Variants in TECPR2 observed in about 807,000 individuals in gnomAD.
TECPR2 encodes the protein tectonin beta-propeller repeat-containing protein 2.
Under a neutral mutation model 138.1 loss-of-function variants are expected in TECPR2, and 65 were observed. The ratio of observed to expected loss-of-function variants is 0.47; its 90% CI spans 0.39 to 0.58. TECPR2 has a LOEUF of 0.58. Among genes scored for constraint, TECPR2 ranks in the 20% least tolerant of loss-of-function variants. The pLI is 0.00. For missense variants in TECPR2, 1,553 were observed against 1,824.5 expected, an observed-to-expected ratio of 0.85 and a Z score of 2.71; for synonymous variants, 746 against 749.8, an observed-to-expected ratio of 0.99 and a Z score of 0.08.
chr14:102,390,469 C>G (rs978610156), intron 2 of TECPR2, among the ~76,000 whole-genome samples: 6 of 152,078 alleles, frequency 3.9e-5, no homozygotes, highest in African/African-American at 1.4e-4. Flanking sequence ...CTTAAAGAGA[C>G]AGAATGGCTC....
intron 10 of TECPR2, 74 bp from the exon 11 acceptor site, chr14:102,440,362 C>G (rs1312253865): frequency 6.4e-7 from 1 of 1,550,592 alleles, no homozygotes; most frequent in Admixed American, 1.8e-5. Context: ...CCCTCAATGC[C>G]CAGCATGAAG....
intron 7 of TECPR2, among the ~76,000 whole-genome samples, chr14:102,431,592 T>C (rs977270436): frequency 1.6e-4 from 24 of 152,280 alleles, no homozygotes; most frequent in Non-Finnish European, 2.2e-4. Context: ...TCCGCCCGCC[T>C]TGGCCTCCCA....
At chr14:102,432,196 T>A in intron 8 of TECPR2, 68 bp downstream of exon 8, 1 of 1,398,838 alleles carries the variant, frequency 7.1e-7, no homozygotes, top group Middle Eastern at 1.8e-4. Context: ...GGAGTGCTGC[T>A]GCTCACTGAG....
At chr14:102,463,955 C>T (rs1330690186) in intron 16 of TECPR2, among the ~76,000 whole-genome samples, 3 of 152,118 alleles carry the variant, frequency 2.0e-5, no homozygotes, top group Non-Finnish European at 4.4e-5. Context: ...CAAAAACAAA[C>T]AATTCAACTT....
chr14:102,458,030 C>T (rs994974368), intron 16 of TECPR2, among the ~76,000 whole-genome samples: 3 of 151,924 alleles, frequency 2.0e-5, no homozygotes, highest in Admixed American at 6.6e-5. Context: ...TGTGCCACCC[C>T]GCCCAGCTAA....
intron 2 of TECPR2, among the ~76,000 whole-genome samples, chr14:102,378,599 C>T (rs569849328): frequency 1.3e-5 from 2 of 152,152 alleles, no homozygotes; most frequent in African/African-American, 4.8e-5. Flanking sequence ...TGAACTTGGG[C>T]AGACTGTCTC....
intron 2 of TECPR2, among the ~76,000 whole-genome samples, chr14:102,390,783 C>A (rs1450213614): frequency 6.8e-6 from 1 of 147,344 alleles, no homozygotes; most frequent in Admixed American, 6.8e-5. Flanking sequence ...AAAGTTGCTG[C>A]CCACGTATAT....
chr14:102,487,306 A>C (rs1217708763), intron 17 of TECPR2, among the ~76,000 whole-genome samples: 1 of 152,142 alleles, frequency 6.6e-6, no homozygotes, highest in Non-Finnish European at 1.5e-5. Context: ...ATTTCTTCCA[A>C]GTTCTGATAA....
At chr14:102,445,665 C>A (rs1889955096) in intron 12 of TECPR2, 141 bp from the exon 13 acceptor site, 1 of 1,073,734 alleles carries the variant, frequency 9.3e-7, no homozygotes, top group Non-Finnish European at 1.3e-6. Flanking sequence ...AACTTCCTTC[C>A]CTGGCACCTG....
intron 16 of TECPR2, among the ~76,000 whole-genome samples, chr14:102,454,668 C>T (rs1890231774): frequency 6.6e-6 from 1 of 152,210 alleles, no homozygotes; most frequent in East Asian, 1.9e-4. Flanking sequence ...AGCCATTCTC[C>T]AGCAGCTCCT....
intron 2 of TECPR2, among the ~76,000 whole-genome samples, chr14:102,378,637 T>C (rs1469559468): frequency 2.0e-5 from 3 of 152,066 alleles, no homozygotes; most frequent in African/African-American, 7.2e-5. Flanking sequence ...TATATATATA[T>C]TTTTGAGACG....
intron 2 of TECPR2, among the ~76,000 whole-genome samples, chr14:102,403,924 G>A (rs756229560): frequency 6.6e-6 from 1 of 152,156 alleles, no homozygotes; most frequent in Admixed American, 6.5e-5. Flanking sequence ...TGGAGACAGG[G>A]TCTTGCTCTG....
At chr14:102,481,565 C>T (rs997467250) in intron 17 of TECPR2, among the ~76,000 whole-genome samples, 1 of 152,202 alleles carries the variant, frequency 6.6e-6, no homozygotes, top group African/African-American at 2.4e-5. Context: ...GGATCATCCA[C>T]CGCACTCCAG....
At chr14:102,455,398 C>T (rs1446268733) in intron 16 of TECPR2, among the ~76,000 whole-genome samples, 2 of 152,184 alleles carry the variant, frequency 1.3e-5, no homozygotes, top group Admixed American at 6.5e-5. Flanking sequence ...GGGCCCCAGG[C>T]GGGCTCTGGA....
chr14:102,396,215 G>T (rs1888311225), intron 2 of TECPR2, among the ~76,000 whole-genome samples: 1 of 151,070 alleles, frequency 6.6e-6, no homozygotes, highest in South Asian at 2.1e-4. Context: ...CTGCTCTCCT[G>T]CCTCAGCCTC....
At chr14:102,465,421 T>C (rs1595140220) in intron 17 of TECPR2, 132 bp downstream of exon 17, 2 of 1,436,766 alleles carry the variant, frequency 1.4e-6, no homozygotes, top group East Asian at 5.0e-5. Flanking sequence ...GCCCCCAGGG[T>C]CTACACACTC....
chr14:102,472,103 C>G (rs539391596), intron 17 of TECPR2, among the ~76,000 whole-genome samples: 20 of 152,344 alleles, frequency 1.3e-4, no homozygotes, highest in African/African-American at 4.6e-4. Flanking sequence ...GCCCATGTGC[C>G]TTGCCTCCTC....
intron 17 of TECPR2, among the ~76,000 whole-genome samples, chr14:102,483,919 C>G (rs1161909743): frequency 2.2e-5 from 3 of 138,674 alleles, no homozygotes; most frequent in Admixed American, 1.5e-4. Flanking sequence ...GCCTCAGCCT[C>G]CCACGTAGCT....
At chr14:102,379,474 G>A (rs80215838) in intron 2 of TECPR2, among the ~76,000 whole-genome samples, 20 of 125,742 alleles carry the variant, frequency 1.6e-4, no homozygotes, top group East Asian at 5.0e-4. Flanking sequence ...GCACAGAGGC[G>A]TCCTGGTCAC....
Sources: allele counts gnomAD v4.1 joint callset (sites outside exome capture counted in the v4.1 genomes callset), GRCh38; gene constraint gnomAD v4.1.1; transcripts MANE v1.5; gene names NCBI Gene and HGNC (gene_info 2026-07-23, HGNC 2026-07-21).